The following PRICKLE2 variants were observed in gnomAD, a reference collection of about 807,000 sequenced individuals.
PRICKLE2 encodes the protein prickle-like protein 2.
PRICKLE2 carries 21 observed loss-of-function variants against 81.4 expected under a neutral mutation model. The ratio of observed to expected loss-of-function variants is 0.26; its 90% confidence interval spans 0.18 to 0.37. The LOEUF (loss-of-function observed/expected upper bound fraction) is 0.37. PRICKLE2 is among the 10% of genes least tolerant of loss of function. The pLI, the probability that PRICKLE2 is intolerant of heterozygous loss-of-function variation, is 1.00. For missense variants in PRICKLE2, 940 were observed against 1,109.0 expected (o/e 0.85, Z 2.16); for synonymous variants, 456 against 421.5 (o/e 1.08, Z -1.00).
intron 7 of PRICKLE2, among the ~76,000 whole-genome samples, chr3:64,115,561 A>C (rs2076920604): frequency 6.6e-6 from 1 of 152,224 alleles, no homozygotes; most frequent in Non-Finnish European, 1.5e-5. Context: ...AGTTTCTGAC[A>C]AAACAGAGTT....
intron 2 of PRICKLE2, among the ~76,000 whole-genome samples, chr3:64,169,342 A>T (rs1020935756): frequency 3.3e-5 from 5 of 152,174 alleles, no homozygotes; most frequent in South Asian, 2.1e-4. Context: ...AAAAATTTTT[A>T]AAATTTTTAT....
chr3:64,245,930 C>T (rs1020455561), intron 2 of PRICKLE2, among the ~76,000 whole-genome samples: 7 of 152,118 alleles, frequency 4.6e-5, no homozygotes, highest in Admixed American at 6.6e-5. Context: ...CTTTTCCTAT[C>T]GGTTTGAGCT....
intron 2 of PRICKLE2, among the ~76,000 whole-genome samples, chr3:64,180,116 T>G (rs2078101835): frequency 6.6e-6 from 1 of 152,180 alleles, no homozygotes; most frequent in Non-Finnish European, 1.5e-5. Flanking sequence ...TGTGCATACT[T>G]TGAATGTTAT....
At chr3:64,215,502 G>A (rs904984216) in intron 1 of PRICKLE2, among the ~76,000 whole-genome samples, 4 of 152,176 alleles carry the variant, frequency 2.6e-5, no homozygotes, top group Non-Finnish European at 4.4e-5. Context: ...CATTCAATAA[G>A]TAGCTCTTTG....
intron 7 of PRICKLE2, among the ~76,000 whole-genome samples, chr3:64,119,059 C>T (rs150457334): frequency 8.5e-5 from 13 of 152,150 alleles, no homozygotes; most frequent in East Asian, 1.9e-4. Context: ...AATGAGATCA[C>T]GTCCCTTACA....
At chr3:64,214,257 T>C (rs994916492) in intron 1 of PRICKLE2, among the ~76,000 whole-genome samples, 2 of 152,054 alleles carry the variant, frequency 1.3e-5, no homozygotes, top group Non-Finnish European at 2.9e-5. Flanking sequence ...TTCCCAGAAA[T>C]CCATGTTGCT....
At chr3:64,171,743 TA>T (rs1467953656) in intron 2 of PRICKLE2, among the ~76,000 whole-genome samples, 1 of 152,142 alleles carries the variant, frequency 6.6e-6, no homozygotes, top group Non-Finnish European at 1.5e-5. Context: ...GGAAACAGAG[TA>T]AAACTCATTA....
At chr3:64,219,161 C>T (rs989187235) in intron 1 of PRICKLE2, among the ~76,000 whole-genome samples, 4 of 152,122 alleles carry the variant, frequency 2.6e-5, no homozygotes, top group East Asian at 1.9e-4. Context: ...TTTAGTTCCC[C>T]GCCAAGAGTG....
chr3:64,244,636 CTGAT>C (rs1475252620), intron 2 of PRICKLE2, among the ~76,000 whole-genome samples: 2 of 123,102 alleles, frequency 1.6e-5, no homozygotes, highest in African/African-American at 6.6e-5. Context: ...GTGTGTGTGT[CTGAT>C]AGAGAGGGAG....
intron 6 of PRICKLE2, among the ~76,000 whole-genome samples, chr3:64,152,969 A>G (rs1157944144): frequency 6.6e-6 from 1 of 152,158 alleles, no homozygotes; most frequent in Non-Finnish European, 1.5e-5. Context: ...ACAGAGAAAA[A>G]AATCGGTTTT....
intron 1 of PRICKLE2, among the ~76,000 whole-genome samples, chr3:64,209,348 A>C (rs1368076799): frequency 1.3e-5 from 2 of 150,180 alleles, no homozygotes; most frequent in South Asian, 4.2e-4. Context: ...CCACCTATCT[A>C]TCCATTCATT....
At chr3:64,257,078 A>G (rs951751884) in intron 2 of PRICKLE2, among the ~76,000 whole-genome samples, 41 of 152,218 alleles carry the variant, frequency 2.7e-4, no homozygotes, top group African/African-American at 9.7e-4. Flanking sequence ...ATGATATTCA[A>G]CACATCATAG....
chr3:64,260,738 A>G (rs932312619), intron 2 of PRICKLE2, among the ~76,000 whole-genome samples: 4 of 152,188 alleles, frequency 2.6e-5, no homozygotes, highest in Non-Finnish European at 2.9e-5. Context: ...TACTCCACCA[A>G]TAACATTCAG....
intron 7 of PRICKLE2, among the ~76,000 whole-genome samples, chr3:64,114,143 A>G (rs982930312): frequency 6.6e-6 from 1 of 152,098 alleles, no homozygotes; most frequent in Non-Finnish European, 1.5e-5. Context: ...GAAGCCAGTC[A>G]GCTGAATCCA....
chr3:64,188,599 A>T (rs923099411), intron 2 of PRICKLE2, among the ~76,000 whole-genome samples: 1 of 152,250 alleles, frequency 6.6e-6, no homozygotes, highest in Admixed American at 6.5e-5. Context: ...TAATCAAGCC[A>T]TCATTCCATG....
intron 1 of PRICKLE2, among the ~76,000 whole-genome samples, chr3:64,202,266 T>C (rs1054607988): frequency 6.6e-6 from 1 of 152,190 alleles, no homozygotes; most frequent in African/African-American, 2.4e-5. Flanking sequence ...TAGGATTAGT[T>C]TGTCAATTTG....
upstream of PRICKLE2, among the ~76,000 whole-genome samples, chr3:64,229,560 A>G (rs1429378345): frequency 2.6e-5 from 4 of 152,200 alleles, no homozygotes; most frequent in Non-Finnish European, 5.9e-5. Flanking sequence ...AAGAACTGAC[A>G]TGGGTCACTC....
intron 2 of PRICKLE2, among the ~76,000 whole-genome samples, chr3:64,167,563 C>T (rs776176065): frequency 6.6e-6 from 1 of 152,160 alleles, no homozygotes; most frequent in Non-Finnish European, 1.5e-5. Flanking sequence ...TTAGTCAGTG[C>T]GCATATAAAG....
chr3:64,142,998 CCTAA>C (rs1434755607), intron 7 of PRICKLE2, among the ~76,000 whole-genome samples: 2 of 152,132 alleles, frequency 1.3e-5, no homozygotes, highest in East Asian at 1.9e-4. Context: ...AACCAGTAAT[CCTAA>C]CTATTAATTA....
Sources: allele counts gnomAD v4.1 joint callset (sites outside exome capture counted in the v4.1 genomes callset), GRCh38; gene constraint gnomAD v4.1.1; transcripts MANE v1.5; gene names NCBI Gene and HGNC (gene_info 2026-07-23, HGNC 2026-07-21).